HUWE1: variants seen among roughly 807,000 people sequenced by gnomAD.
The protein encoded by HUWE1 is HECT, UBA and WWE domain containing E3 ubiquitin protein ligase 1.
In HUWE1, 18 loss-of-function variants were observed where a neutral mutation model predicts 299.4. The ratio of observed to expected loss-of-function variants is 0.06; its 90% confidence interval spans 0.04 to 0.09. HUWE1 has a LOEUF of 0.09. Ranked by LOEUF, HUWE1 falls within the 10% of genes least tolerant of loss-of-function variation. The pLI is 1.00. For missense variants in HUWE1, 1,832 were observed against 3,462.3 expected, an observed-to-expected ratio of 0.53 and a Z score of 11.82; for synonymous variants, 1,317 against 1,286.1, an observed-to-expected ratio of 1.02 and a Z score of -0.51.
chrX:53,574,021 A>G (rs2062967939), intron 46 of HUWE1, 57 bp from the exon 47 acceptor site: 1 of 1,018,570 alleles, frequency 9.8e-7, no homozygotes, highest in African/African-American at 1.8e-5. Flanking sequence ...GGCAAAATCA[A>G]GTCTTAGGTG....
Position 53,554,933 on chromosome X carries a change from GAAC to G in HUWE1, c.8207-16_8207-14del, listed in dbSNP as rs2061929325. On this transcript the variant is annotated splice_polypyrimidine_tract_variant and intron_variant, in intron 60 of 83. Coordinates refer to ENST00000262854, the MANE Select transcript of HUWE1 (RefSeq NM_031407.7). ...ATAGGCGTCCCATCTTTCTCGGAAAGAACAATAATAGTGGTTAAGGGGCAACCA... is the reference window on the plus strand; with the variant it reads ...ATAGGCGTCCCATCTTTCTCGGAAAGAATAATAGTGGTTAAGGGGCAACCA... 8.7e-7 allele frequency: 1 copy of G among 1,152,951 alleles called. No homozygotes were observed. Among genetic ancestry groups the G allele is most frequent in the Non-Finnish European group, 1.2e-6 (1 of 864,072 alleles).
chrX:53,607,371 T>C (rs2065206464), intron 25 of HUWE1, 152 bp downstream of exon 25: 1 of 490,516 alleles, frequency 2.0e-6, no homozygotes, highest in African/African-American at 2.4e-5. Context: ...TGGCACACTA[T>C]ATATTAGTCA....
At chrX:53,607,839 G>A in intron 24 of HUWE1, 140 bp from the exon 25 acceptor site, 1 of 459,742 alleles carries the variant, frequency 2.2e-6, no homozygotes, top group East Asian at 3.7e-5. Flanking sequence ...TAAACCAGAT[G>A]TATGATACGG....
intron 22 of HUWE1, 117 bp from the exon 23 acceptor site, chrX:53,614,862 A>C (rs1389438278): frequency 1.9e-6 from 1 of 513,597 alleles, no homozygotes; most frequent in Non-Finnish European, 3.4e-6. Context: ...CACTTTGTAT[A>C]CATGTTATAT....
At chrX:53,632,204 A>C (rs782201263) in intron 9 of HUWE1, 2 of 359,523 alleles carry the variant, frequency 5.6e-6, no homozygotes, top group East Asian at 1.1e-4. Flanking sequence ...ACTATACTAC[A>C]TGTTGGAATT....
intron 4 of HUWE1, among the ~76,000 whole-genome samples, chrX:53,652,333 GT>G (rs2068524717): frequency 9.0e-6 from 1 of 111,420 alleles, no homozygotes; most frequent in Non-Finnish European, 1.9e-5. Context: ...TTGACTTTTG[GT>G]TTATCTAAAA....
chrX:53,585,229 G>T (rs371020419), intron 39 of HUWE1, 41 bp from the exon 40 acceptor site: 1 of 1,170,714 alleles, frequency 8.5e-7, no homozygotes. Context: ...TTTCTTTCAA[G>T]GTTGATTAGA....
At chrX:53,674,684 T>C (rs782505170) in intron 3 of HUWE1, among the ~76,000 whole-genome samples, 2 of 112,117 alleles carry the variant, frequency 1.8e-5, no homozygotes, top group South Asian at 7.4e-4. Flanking sequence ...CTATAGCACA[T>C]TTTGTTCATT....
At chrX:53,578,854 T>TG (rs1556963011) in intron 43 of HUWE1, among the ~76,000 whole-genome samples, 3 of 22,778 alleles carry the variant, frequency 1.3e-4, no homozygotes, top group Non-Finnish European at 2.5e-4. Context: ...GGGAGGGAGG[T>TG]GGGGGGTCAG....
intron 49 of HUWE1, among the ~76,000 whole-genome samples, chrX:53,566,113 A>ATGTGTGTGTG (rs1192059818): frequency 1.8e-5 from 1 of 55,515 alleles, no homozygotes; most frequent in Non-Finnish European, 3.2e-5. Flanking sequence ...GTATGTATGT[A>ATGTGTGTGTG]TGTATGTGTG....
chrX:53,546,239 G>C (rs1457460087), intron 70 of HUWE1, among the ~76,000 whole-genome samples, 197 bp downstream of exon 70: 1 of 111,266 alleles, frequency 9.0e-6, no homozygotes, highest in African/African-American at 3.3e-5. Flanking sequence ...ACCCAGCCTT[G>C]CTTTCAAACA....
Position 53,583,666 on chromosome X carries a change from G to A in HUWE1, c.5412C>T (p.Ile1804=), listed in dbSNP as rs1473768723. ...MFAELKSTRM[I]LNLTQSSGFN... ...AGCCTGAGCTCTGGGTCAAATTCAA[G>A]ATCATGCGGGTACTCTTCAGTTCTG... Residue 1804 remains isoleucine, a synonymous_variant, in exon 42 of 84, where the codon ATC becomes ATT. Transcript: ENST00000262854. 1 of 1,210,596 alleles carries A rather than the reference G, an allele frequency of 8.3e-7. No homozygotes were observed. Among genetic ancestry groups the A allele is most frequent in the East Asian group, 3.0e-5 (1 of 33,845 alleles).
intron 80 of HUWE1, 64 bp from the exon 81 acceptor site, chrX:53,535,565 G>C (rs1164065067): frequency 4.1e-6 from 3 of 736,382 alleles, no homozygotes; most frequent in Non-Finnish European, 6.4e-6. Context: ...TAGATACCTA[G>C]GAACACACCC....
At chrX:53,629,658 G>A (rs782008510) in intron 12 of HUWE1, 42 bp from the exon 13 acceptor site, 4 of 886,402 alleles carry the variant, frequency 4.5e-6, no homozygotes, top group African/African-American at 2.0e-5. Context: ...GAAGGCAGTG[G>A]TCAAGCCACT....
chrX:53,623,738 T>C (rs1036212391), intron 19 of HUWE1, among the ~76,000 whole-genome samples: 3 of 112,174 alleles, frequency 2.7e-5, no homozygotes, highest in African/African-American at 9.7e-5. Context: ...AAAACAAGTA[T>C]GTACTAATAA....
At chrX:53,571,284 A>G (rs1453119814) in intron 47 of HUWE1, among the ~76,000 whole-genome samples, 1 of 112,784 alleles carries the variant, frequency 8.9e-6, no homozygotes, top group Non-Finnish European at 1.9e-5. Flanking sequence ...ATTATAAATT[A>G]TGAATACAAC....
At chrX:53,673,378 G>C (rs2069652387) in intron 3 of HUWE1, among the ~76,000 whole-genome samples, 1 of 111,367 alleles carries the variant, frequency 9.0e-6, no homozygotes, top group South Asian at 3.7e-4. Flanking sequence ...TACATCATGA[G>C]ACATCTTGAG....
chrX:53,666,430 G>A (rs781803698), intron 3 of HUWE1, among the ~76,000 whole-genome samples: 22 of 111,619 alleles, frequency 2.0e-4, no homozygotes, highest in African/African-American at 6.2e-4. Context: ...TTACATGGGT[G>A]TTCATTATGC....
chrX:53,545,419 T>A (rs2061503492), intron 70 of HUWE1, among the ~76,000 whole-genome samples: 1 of 111,647 alleles, frequency 9.0e-6, no homozygotes, highest in African/African-American at 3.3e-5. Context: ...AAACAGTATC[T>A]CCTCTGGAGC....
Sources: gnomAD v4.1 joint callset for allele counts (sites outside exome capture counted in the v4.1 genomes callset) on GRCh38, gnomAD v4.1.1 for gene constraint, MANE v1.5 for transcripts, NCBI Gene and HGNC (gene_info 2026-07-23, HGNC 2026-07-21) for gene names.